TEX14: variants seen among roughly 807,000 people sequenced by gnomAD.
TEX14 encodes the protein testis expressed 14, intercellular bridge forming factor, also known as inactive serine/threonine-protein kinase TEX14.
Under a neutral mutation model 178.6 loss-of-function variants are expected in TEX14, and 168 were observed. The observed-to-expected ratio is 0.94, with a 90% confidence interval of 0.83 to 1.07. The LOEUF is 1.07. Ranked by LOEUF, TEX14 falls within the 50% of genes least tolerant of loss-of-function variation. The pLI is 0.00. For missense variants in TEX14, 1,730 were observed against 1,753.6 expected (o/e 0.99, Z 0.24); for synonymous variants, 626 against 634.1 (o/e 0.99, Z 0.19).
Position 58,601,897 on chromosome 17 carries a change from T to C in TEX14, c.1587A>G (p.Gly529=). 1 of 1,613,248 alleles carries C rather than the reference T, an allele frequency of 6.2e-7. No individual in the cohort carries two copies. Among genetic ancestry groups the C allele is most frequent in the South Asian group, 1.1e-5 (1 of 91,018 alleles). The change falls in exon 13 of 32, where the codon GGA becomes GGG. Residue 529 remains glycine (G), a synonymous_variant. Coordinates refer to ENST00000349033, the MANE Select transcript of TEX14 (RefSeq NM_031272.5). ...PTESPRVQRY[G]LHPDVNVYLG... ...GATAGACATTGACATCGGGATGGAG[T>C]CCGTATCTCTGCACTCTGGGGCTCT...
intron 26 of TEX14, 44 bp from the exon 27 acceptor site, chr17:58,565,868 C>A (rs769455675): frequency 8.2e-6 from 12 of 1,467,928 alleles, no homozygotes; most frequent in Non-Finnish European, 6.5e-6. Flanking sequence ...TCCTCCCTTG[C>A]GTGTCCTGCC....
intron 2 of TEX14, among the ~76,000 whole-genome samples, chr17:58,641,350 C>A (rs1020802020): frequency 6.6e-6 from 1 of 151,636 alleles, no homozygotes; most frequent in African/African-American, 2.4e-5. Context: ...GAGGAGGTTG[C>A]GATGAGCCAA....
intron 2 of TEX14, among the ~76,000 whole-genome samples, chr17:58,632,011 G>C (rs539370907): frequency 6.6e-5 from 10 of 152,282 alleles, no homozygotes; most frequent in African/African-American, 2.4e-4. Flanking sequence ...AAATTTCGAA[G>C]ATACTTTAGG....
intron 3 of TEX14, among the ~76,000 whole-genome samples, chr17:58,625,970 G>C (rs553819926): frequency 6.6e-6 from 1 of 150,964 alleles, no homozygotes; most frequent in Non-Finnish European, 1.5e-5. Flanking sequence ...GGATGGTCTC[G>C]ATCTCCTGAC....
chr17:58,624,215 C>A (rs2046078403), intron 3 of TEX14, among the ~76,000 whole-genome samples: 1 of 151,808 alleles, frequency 6.6e-6, no homozygotes, highest in African/African-American at 2.4e-5. Context: ...TGGCATAAAA[C>A]CCGGGAGGCA....
chr17:58,649,450 G>T (rs1297401469), intron 2 of TEX14, among the ~76,000 whole-genome samples: 1 of 152,092 alleles, frequency 6.6e-6, no homozygotes, highest in East Asian at 1.9e-4. Context: ...TTAGACTGTG[G>T]GAGAATTTAT....
chr17:58,686,736 C>T (rs537426471), intron 1 of TEX14, among the ~76,000 whole-genome samples: 1 of 152,024 alleles, frequency 6.6e-6, no homozygotes, highest in South Asian at 2.1e-4. Context: ...ATGTCTGAGG[C>T]CTTAAAGAAG....
At chr17:58,573,738 C>T (rs2044599991) in intron 22 of TEX14, among the ~76,000 whole-genome samples, 3 of 152,086 alleles carry the variant, frequency 2.0e-5, no homozygotes, top group Admixed American at 1.3e-4. Flanking sequence ...AGGCTGGTCA[C>T]GAACTCCTGA....
At position 58,629,321 on chromosome 17, in the gene TEX14, G is replaced by A. The variant is rs143520109; in HGVS notation, c.251+1119C>T. 1.4e-4 allele frequency among the ~76,000 whole-genome samples: 22 copies of A among 152,122 alleles called. No individual in the cohort carries two copies. In the East Asian group the frequency reaches 3.3e-3, roughly 23 times the overall value. Reference sequence around the variant, plus strand: ...TACAAAAAATTAGCCAGGCCTGGTGGTGCCCACTTGTAATCCCAGCTACTA... The same window carrying A: ...TACAAAAAATTAGCCAGGCCTGGTGATGCCCACTTGTAATCCCAGCTACTA... On this transcript the variant is annotated intron_variant, in intron 3 of 31. Coordinates refer to ENST00000349033, the MANE Select transcript of TEX14 (RefSeq NM_031272.5).
At position 58,630,522 on chromosome 17, in the gene TEX14, G is replaced by T; in HGVS notation, c.169C>A (p.Gln57Lys). 1 of 1,613,950 alleles carries T rather than the reference G, an allele frequency of 6.2e-7. No individual in the cohort carries two copies. The highest frequency in any genetic ancestry group is 8.5e-7 in the Non-Finnish European group (1 of 1,179,886). Residue 57 changes from glutamine to lysine, a missense_variant, in exon 3 of 32, where the codon CAA (glutamine) becomes AAA (lysine). Gln to Lys is a moderately conservative substitution (Grantham distance 53). Around this residue, in one of 2 missense-constraint regions of TEX14, gnomAD observed 789 missense variants for 681.2 expected, o/e 1.16. Coordinates refer to ENST00000349033, the MANE Select transcript of TEX14 (RefSeq NM_031272.5). ...AACGCCGCAACAAAAAGTGCTGTTT[G>T]GCCCAAGGAGTTAACTGCATCAACA... ...IYVDAVNSLG[Q>K]TALFVAALLG...
At chr17:58,628,966 G>T (rs2144571267) in intron 3 of TEX14, among the ~76,000 whole-genome samples, 1 of 152,110 alleles carries the variant, frequency 6.6e-6, no homozygotes, top group South Asian at 2.1e-4. Context: ...TAAGTAAGAT[G>T]GGAAAGACTT....
chr17:58,685,359 G>A (rs778790841), intron 1 of TEX14, among the ~76,000 whole-genome samples: 137 of 150,698 alleles, frequency 9.1e-4, no homozygotes, highest in Admixed American at 1.5e-3. Context: ...TCGCTTGAAC[G>A]TGGGAGGTGG....
intron 11 of TEX14, among the ~76,000 whole-genome samples, chr17:58,603,352 GA>G (rs2045514426): frequency 6.7e-6 from 1 of 150,096 alleles, no homozygotes; most frequent in Admixed American, 6.6e-5. Flanking sequence ...GTCAGAGGTT[GA>G]AACCAGCCTG....
intron 1 of TEX14, among the ~76,000 whole-genome samples, chr17:58,686,568 T>G (rs2047596458): frequency 6.6e-6 from 1 of 152,074 alleles, no homozygotes; most frequent in Non-Finnish European, 1.5e-5. Context: ...AGGATGTGCT[T>G]GCAAAGCAAA....
At chr17:58,588,101 T>C (rs939568137) in intron 15 of TEX14, 80 bp from the exon 16 acceptor site, 14 of 687,070 alleles carry the variant, frequency 2.0e-5, no homozygotes, top group Non-Finnish European at 3.7e-5. Context: ...ATTATAAAAG[T>C]GCTCTTGGGA....
chr17:58,677,469 T>C (rs1439200715), intron 1 of TEX14: 1 of 152,158 alleles, frequency 6.6e-6, no homozygotes, highest in Non-Finnish European at 1.5e-5. Flanking sequence ...AGCTTCTCAC[T>C]TCCATGGAAA....
At position 58,685,996 on chromosome 17, in the gene TEX14, C is replaced by CAAA. The variant is rs34156664; in HGVS notation, c.-2+5940_-2+5942dup. Among the ~76,000 whole-genome samples, 790 of 82,074 alleles carry CAAA rather than the reference C, an allele frequency of 9.6e-3. 32 individuals are homozygous for CAAA. The highest frequency in any genetic ancestry group is 0.034 in the African/African-American group (704 of 20,622). The allele number at this position is 82,074 out of a possible 152,430, so 53.8% of individuals were successfully genotyped here. On this transcript the variant is annotated intron_variant, in intron 1 of 31. Coordinates refer to ENST00000349033, the MANE Select transcript of TEX14 (RefSeq NM_031272.5). ...GGCGACAGGGCAAGACTCTGTCTCA[C>CAAA]AAAAAAAAAAAAAAAAAAAAGATCA...
rs745375737 is a variant in TEX14 at position 58,570,355 on chromosome 17, A to G, written c.3817+30T>C. 8 of 1,398,230 alleles carry G rather than the reference A, an allele frequency of 5.7e-6. No individual in the cohort carries two copies. The African/African-American group carries it at 1.2e-4, about 21-fold the overall frequency. The allele number at this position is 1,398,230 out of a possible 1,614,324, so 86.6% of individuals were successfully genotyped here. A position where few individuals can be genotyped will look rare whatever the true frequency, so the allele number is the denominator to read the frequency against. On this transcript the variant is annotated intron_variant, in intron 25 of 31. Transcript: ENST00000349033. ...TCAATTTAAGCCTCCTTGATTATAA[A>G]CTTCTATTTTGATATTAAACACAGG...
chr17:58,596,804 G>A (rs2045295916), intron 14 of TEX14, among the ~76,000 whole-genome samples: 1 of 152,066 alleles, frequency 6.6e-6, no homozygotes, highest in African/African-American at 2.4e-5. Context: ...TTAGCCAGGT[G>A]TGCTGATACA....
Sources: allele counts gnomAD v4.1 joint callset (sites outside exome capture counted in the v4.1 genomes callset), GRCh38; gene constraint gnomAD v4.1.1; regional missense constraint gnomAD v4.1.1; transcripts MANE v1.5; gene names NCBI Gene and HGNC (gene_info 2026-07-23, HGNC 2026-07-21).